The following AGMO variants were observed in gnomAD, a reference collection of about 807,000 sequenced individuals.
AGMO encodes the protein alkylglycerol monooxygenase.
In AGMO, 75 loss-of-function variants were observed where a neutral mutation model predicts 60.2. That is an observed-to-expected ratio of 1.25 (90% confidence interval 1.03 to 1.51). The LOEUF is 1.51. Ranked by LOEUF, AGMO falls within the 40% of genes most tolerant of loss-of-function variation. The pLI is 0.00. For missense variants in AGMO, 763 were observed against 525.5 expected (o/e 1.45, Z -4.42); for synonymous variants, 261 against 177.1 (o/e 1.47, Z -3.76).
At chr7:15,453,905 T>G (rs2128506359) in intron 3 of AGMO, among the ~76,000 whole-genome samples, 1 of 150,048 alleles carries the variant, frequency 6.7e-6, no homozygotes, top group African/African-American at 2.4e-5. Flanking sequence ...TTTTATATTT[T>G]ATTACACAAA....
chr7:15,409,969 A>T (rs1784795050), intron 5 of AGMO, among the ~76,000 whole-genome samples: 2 of 151,700 alleles, frequency 1.3e-5, no homozygotes. Flanking sequence ...AAAAATAATG[A>T]ATACTGGATA....
chr7:15,277,195 C>T (rs1031050010), intron 12 of AGMO, among the ~76,000 whole-genome samples: 1 of 151,912 alleles, frequency 6.6e-6, no homozygotes, highest in South Asian at 2.1e-4. Flanking sequence ...GTAAACCCAG[C>T]TAGTCGGGAG....
In AGMO at chr7:15,365,499, A is replaced by T. The variant is rs753723290; in HGVS notation, c.1263+15T>A. The T allele has an allele frequency of 6.3e-6, 10 of 1,587,972 alleles. No individual in the cohort carries two copies. The East Asian group carries it at 2.0e-4, about 32-fold the overall frequency. Reference sequence around the variant, plus strand: ...GGTATACGCCATCCTGTGGCTACCTAAACAAATGTCTTACCTCAAAAGCAG... The same window carrying T: ...GGTATACGCCATCCTGTGGCTACCTTAACAAATGTCTTACCTCAAAAGCAG... On this transcript the variant is annotated intron_variant, in intron 12 of 12. Transcript: ENST00000342526.
chr7:15,229,454 T>A lies in AGMO; in HGVS notation c.1264-28095A>T, dbSNP rs1044877592. ...AGGTGGGGTTTTTGTCTCGCTACTT[T>A]CTTACTACTTCAACTAGAAACTTCT... On this transcript the variant is annotated intron_variant, in intron 12 of 12. Coordinates refer to ENST00000342526, the MANE Select transcript of AGMO (RefSeq NM_001004320.2). 1.9e-4 allele frequency among the ~76,000 whole-genome samples: 29 copies of A among 150,566 alleles called. No individual in the cohort carries two copies. The Admixed American group carries it at 1.9e-3, about 10-fold the overall frequency.
chr7:15,353,206 C>CT (rs1332047835), intron 12 of AGMO, among the ~76,000 whole-genome samples: 1 of 152,084 alleles, frequency 6.6e-6, no homozygotes, highest in Non-Finnish European at 1.5e-5. Flanking sequence ...ATTCACCACG[C>CT]TGACGTTGGT....
At chr7:15,273,884 A>G (rs1286968020) in intron 12 of AGMO, among the ~76,000 whole-genome samples, 2 of 152,108 alleles carry the variant, frequency 1.3e-5, no homozygotes, top group Admixed American at 6.5e-5. Context: ...CTTTGAAGCA[A>G]TTGTGAATGG....
At chr7:15,156,406 C>A in the AGMO span, among the ~76,000 whole-genome samples, 178 of 152,288 alleles carry the variant, frequency 1.2e-3, no homozygotes, top group African/African-American at 3.9e-3. Flanking sequence ...GGGCAAGACA[C>A]CCCTGTTCTA....
In AGMO at chr7:15,390,687, T is replaced by A. The variant is rs140902231; in HGVS notation, c.806A>T (p.Glu269Val). ...GTATGTTACCTGCACTTTGATTGGT[T>A]CAAATGTATTAATGGGATGTGTTAA... ...YGLTHPINTF[E>V]PIKVQFHHLF... The change falls in exon 8 of 13, where the codon GAA (glutamate) becomes GTA (valine). Residue 269 changes from glutamate to valine, a missense_variant. By Grantham distance (121) the Glu-to-Val change is moderately radical. Coordinates refer to ENST00000342526, the MANE Select transcript of AGMO (RefSeq NM_001004320.2). The A allele has an allele frequency of 4.5e-5, 72 of 1,606,098 alleles. No individual in the cohort carries two copies. In the Middle Eastern group the frequency reaches 1.2e-3, roughly 26 times the overall value.
intron 3 of AGMO, among the ~76,000 whole-genome samples, chr7:15,509,575 T>A (rs1013651367): frequency 6.6e-6 from 1 of 151,862 alleles, no homozygotes; most frequent in African/African-American, 2.4e-5. Flanking sequence ...ATAGTAAAAA[T>A]AAACAAATAG....
chr7:15,208,294 A>C (rs1781491146), intron 12 of AGMO, among the ~76,000 whole-genome samples: 1 of 152,192 alleles, frequency 6.6e-6, no homozygotes, highest in South Asian at 2.1e-4. Context: ...ATCATTTGTG[A>C]GAAGAAACAT....
intron 12 of AGMO, among the ~76,000 whole-genome samples, chr7:15,332,156 TAA>T (rs1411436250): frequency 6.6e-6 from 1 of 152,044 alleles, no homozygotes; most frequent in Admixed American, 6.6e-5. Flanking sequence ...GAGCAAAAAA[TAA>T]ACTTACAATC....
intron 12 of AGMO, among the ~76,000 whole-genome samples, chr7:15,201,864 T>C (rs73054528): frequency 0.14 from 21,662 of 152,150 alleles, 1,693 homozygotes; most frequent in South Asian, 0.27. Flanking sequence ...GTCTTTTGAT[T>C]TTATCAGGTG....
chr7:15,379,568 C>G (rs917558249), intron 10 of AGMO, among the ~76,000 whole-genome samples: 1 of 151,940 alleles, frequency 6.6e-6, no homozygotes, highest in Non-Finnish European at 1.5e-5. Context: ...TATTAAAACC[C>G]TAAAGAGAAC....
At chr7:15,256,401 G>A (rs1428422510) in intron 12 of AGMO, among the ~76,000 whole-genome samples, 5 of 152,098 alleles carry the variant, frequency 3.3e-5, no homozygotes, top group African/African-American at 1.2e-4. Flanking sequence ...GGAGTACGGT[G>A]GCGCAATCTC....
intron 12 of AGMO, among the ~76,000 whole-genome samples, chr7:15,300,788 T>C (rs976108855): frequency 1.3e-5 from 2 of 152,044 alleles, no homozygotes; most frequent in South Asian, 2.1e-4. Context: ...GCACTGCTTG[T>C]CCAAAAAAAA....
At chr7:15,414,109 G>A (rs1219721726) in intron 5 of AGMO, among the ~76,000 whole-genome samples, 1 of 151,982 alleles carries the variant, frequency 6.6e-6, no homozygotes, top group Non-Finnish European at 1.5e-5. Flanking sequence ...CCAGGTTCAT[G>A]CCATTCTCCT....
intron 12 of AGMO, among the ~76,000 whole-genome samples, chr7:15,272,245 C>G (rs1783636924): frequency 6.6e-6 from 1 of 151,320 alleles, no homozygotes; most frequent in South Asian, 2.1e-4. Context: ...TCGCCATTTA[C>G]ATTAGGTATA....
At chr7:15,465,312 T>C (rs1221416304) in intron 3 of AGMO, among the ~76,000 whole-genome samples, 1 of 151,090 alleles carries the variant, frequency 6.6e-6, no homozygotes, top group Non-Finnish European at 1.5e-5. Flanking sequence ...AATATAGAAG[T>C]CTTCCGAAAT....
At chr7:15,118,393 C>T in the AGMO span, among the ~76,000 whole-genome samples, 9 of 151,942 alleles carry the variant, frequency 5.9e-5, no homozygotes, top group Non-Finnish European at 1.3e-4. Flanking sequence ...TTTACACTGA[C>T]AGAGAAGCTA....
Sources: allele counts gnomAD v4.1 joint callset (sites outside exome capture counted in the v4.1 genomes callset), GRCh38; gene constraint gnomAD v4.1.1; transcripts MANE v1.5; gene names NCBI Gene and HGNC (gene_info 2026-07-23, HGNC 2026-07-21).